Variants in PIK3CD observed in about 807,000 individuals in gnomAD.
PIK3CD encodes the protein phosphatidylinositol-4,5-bisphosphate 3-kinase catalytic subunit delta.
A neutral mutation model predicts 122.9 loss-of-function variants in PIK3CD; 20 were observed. The observed-to-expected ratio is 0.16, with a 90% CI of 0.11 to 0.24. The LOEUF is 0.24. Among genes scored for constraint, PIK3CD ranks in the 10% least tolerant of loss-of-function variants. The pLI, the probability that PIK3CD is intolerant of heterozygous loss-of-function variation, is 1.00. For synonymous variants in PIK3CD, 596 were observed against 593.4 expected, an observed-to-expected ratio of 1.00 and a Z score of -0.06; for missense variants, 787 against 1,406.3, an observed-to-expected ratio of 0.56 and a Z score of 7.04.
chr1:9,682,096 T>C (rs9430640), intron 1 of PIK3CD, among the ~76,000 whole-genome samples: 81,546 of 151,932 alleles, frequency 0.54, 22,433 homozygotes, highest in African/African-American at 0.68. Context: ...CTAATTTTTG[T>C]ATTTTTTGTA....
rs1028853666 is a variant in PIK3CD at position 9,689,525 on chromosome 1, G to T, written c.-137-1942G>T. On this transcript the variant is annotated intron_variant, in intron 1 of 23. Transcript: ENST00000377346. This position sits in a 1 kb window ranked among gnomAD's most constrained non-coding sequence, Gnocchi z 6.1. ...CCCGCCCCGCCTGCCAGTAGTCCCAGCCCCGCCCCGGGCCGCGCCCCTCCG... is the reference window on the plus strand; with the variant it reads ...CCCGCCCCGCCTGCCAGTAGTCCCATCCCCGCCCCGGGCCGCGCCCCTCCG... Among the ~76,000 whole-genome samples the T allele has an allele frequency of 1.5e-5, 2 of 137,904 alleles. No individual in the cohort carries two copies. The highest frequency in any genetic ancestry group is 3.2e-5 in the Non-Finnish European group (2 of 63,226). The allele number at this position is 137,904 out of a possible 152,430, so 90.5% of individuals were successfully genotyped here.
At chr1:9,714,354 C>T (rs1024332524) in intron 3 of PIK3CD, among the ~76,000 whole-genome samples, 2 of 152,106 alleles carry the variant, frequency 1.3e-5, no homozygotes, top group Non-Finnish European at 2.9e-5. Context: ...GATTCAGTCC[C>T]GCCACCATAG....
At chr1:9,667,976 C>T (rs1645215184) in intron 1 of PIK3CD, among the ~76,000 whole-genome samples, 1 of 141,364 alleles carries the variant, frequency 7.1e-6, no homozygotes, top group African/African-American at 2.6e-5. Flanking sequence ...TGGTCTGGAA[C>T]TCCTGGGCTC....
rs1007767726 is a variant in PIK3CD at position 9,723,889 on chromosome 1, G to A, written c.2595-80G>A. 32 of 1,304,420 alleles carry A rather than the reference G, an allele frequency of 2.5e-5. No homozygotes were observed. Among genetic ancestry groups the A allele is most frequent in the Non-Finnish European group, 3.3e-5 (30 of 907,756 alleles). The allele number at this position is 1,304,420 out of a possible 1,614,324, so 80.8% of individuals were successfully genotyped here. A position where few individuals can be genotyped will look rare whatever the true frequency, so the allele number is the denominator to read the frequency against. On this transcript the variant is annotated intron_variant, in intron 20 of 23. Transcript: ENST00000377346. This position sits in a 1 kb window ranked among gnomAD's most constrained non-coding sequence, Gnocchi z 4.9. ...GCAAGTCACAGGGCCAGATTCAAGG[G>A]GAGAGGGAGTAATAACCCACCTCTT...
chr1:9,715,302 G>C lies in PIK3CD; in HGVS notation c.142-239G>C, dbSNP rs1647249502. Among the ~76,000 whole-genome samples the C allele has an allele frequency of 6.6e-6, 1 of 152,224 alleles. No homozygotes were observed. Among genetic ancestry groups the C allele is most frequent in the South Asian group, 2.1e-4 (1 of 4,836 alleles). On this transcript the variant is annotated intron_variant, in intron 3 of 23. Coordinates refer to ENST00000377346, the MANE Select transcript of PIK3CD (RefSeq NM_005026.5). This position sits in a 1 kb window ranked among gnomAD's most constrained non-coding sequence, Gnocchi z 4.1. ...CTGGGAGGGGAGCCTGTAGGACGTG[G>C]TGCCAGCCCCAGATCCCAGCACCTC...
In PIK3CD at chr1:9,721,127, A is replaced by G. The variant is rs752658744; in HGVS notation, c.1690A>G (p.Met564Val). The change falls in exon 14 of 24, where the codon ATG becomes GTG. Residue 564 changes from methionine to valine, a missense_variant and splice_region_variant. Met to Val is a conservative substitution (Grantham distance 21). Coordinates refer to ENST00000377346, the MANE Select transcript of PIK3CD (RefSeq NM_005026.5). Reference sequence around the variant, plus strand: ...CAAGCCTGACCTCGGCTCCCCCCAGATGCTCTACCTGCTGTGCTCCTGGCC... The same window carrying G: ...CAAGCCTGACCTCGGCTCCCCCCAGGTGCTCTACCTGCTGTGCTCCTGGCC... Reference protein sequence around the residue: ...KWNKHEDVAQMLYLLCSWPEL... With the variant: ...KWNKHEDVAQVLYLLCSWPEL... 4 of 1,610,684 alleles carry G rather than the reference A, an allele frequency of 2.5e-6. No individual in the cohort carries two copies. In the Admixed American group the frequency reaches 5.0e-5, roughly 20 times the overall value.
the PIK3CD span, among the ~76,000 whole-genome samples, chr1:9,634,455 C>A: frequency 5.9e-5 from 9 of 151,714 alleles, no homozygotes; most frequent in African/African-American, 2.2e-4. Flanking sequence ...AGCTTCCATG[C>A]CTGGCCCTAA....
chr1:9,652,620 T>TA lies in PIK3CD; in HGVS notation c.-138+825dup, dbSNP rs1251506747. ...GTAATTCAGCCTGAATGAGGCTTTT[T>TA]AAAAAAATCGAGTTTCCTGTTTTTA... On this transcript the variant is annotated intron_variant, in intron 1 of 23. Transcript: ENST00000377346. This position sits in a 1 kb window ranked among gnomAD's most constrained non-coding sequence, Gnocchi z 6.2. 3.3e-5 allele frequency: 5 copies of TA among 152,266 alleles called. No homozygotes were observed. The highest frequency in any genetic ancestry group is 7.3e-5 in the Non-Finnish European group (5 of 68,044). The allele number at this position is 152,266 out of a possible 1,614,324, so 9.4% of individuals were successfully genotyped here. A position where few individuals can be genotyped will look rare whatever the true frequency, so the allele number is the denominator to read the frequency against.
chr1:9,707,848 C>T (rs186000743), intron 2 of PIK3CD, among the ~76,000 whole-genome samples: 1 of 149,498 alleles, frequency 6.7e-6, no homozygotes, highest in Non-Finnish European at 1.5e-5. Flanking sequence ...GGCTAGAGTA[C>T]AGTGGCGCGA....
chr1:9,642,910 G>A, the PIK3CD span, among the ~76,000 whole-genome samples: 4 of 150,906 alleles, frequency 2.7e-5, no homozygotes, highest in African/African-American at 9.8e-5. Context: ...GGGCAACATA[G>A]CGAGACCTCG....
chr1:9,663,949 T>C (rs888042170), intron 1 of PIK3CD, among the ~76,000 whole-genome samples: 2 of 152,150 alleles, frequency 1.3e-5, no homozygotes, highest in South Asian at 4.1e-4. Flanking sequence ...TTCCATGGTG[T>C]ATATGTGCCA....
intron 1 of PIK3CD, chr1:9,653,720 T>C (rs1369256634): frequency 9.4e-7 from 1 of 1,063,550 alleles, no homozygotes; most frequent in East Asian, 4.8e-5. Flanking sequence ...AGCTTTCTCT[T>C]TGGCTCTCTC....
upstream of PIK3CD, among the ~76,000 whole-genome samples, chr1:9,648,335 G>A (rs1464888186): frequency 5.3e-5 from 8 of 152,198 alleles, no homozygotes; most frequent in Admixed American, 5.2e-4. Context: ...ATAGTAAAAA[G>A]CATGATTTGA....
At chr1:9,637,140 G>C in the PIK3CD span, among the ~76,000 whole-genome samples, 1 of 152,026 alleles carries the variant, frequency 6.6e-6, no homozygotes, top group African/African-American at 2.4e-5. Context: ...CTCATGATCT[G>C]CCTGTCTTGG....
At chr1:9,646,042 G>A in the PIK3CD span, among the ~76,000 whole-genome samples, 4 of 152,102 alleles carry the variant, frequency 2.6e-5, no homozygotes, top group Non-Finnish European at 5.9e-5. Flanking sequence ...AAAGTGCTGG[G>A]ATTACAGGCG....
chr1:9,706,467 T>C (rs1336902895), intron 2 of PIK3CD, among the ~76,000 whole-genome samples: 2 of 152,136 alleles, frequency 1.3e-5, no homozygotes, highest in African/African-American at 4.8e-5. Context: ...TACTCCAGCC[T>C]GGGCAACAGA....
intron 1 of PIK3CD, among the ~76,000 whole-genome samples, chr1:9,655,732 T>G (rs1345786049): frequency 2.0e-5 from 3 of 149,728 alleles, no homozygotes; most frequent in Non-Finnish European, 3.0e-5. Context: ...GAGTCTCGCT[T>G]TGTCGCCCAG....
At chr1:9,684,845 C>CAAAAA (rs200995845) in intron 1 of PIK3CD, among the ~76,000 whole-genome samples, 1 of 108,820 alleles carries the variant, frequency 9.2e-6, no homozygotes, top group Non-Finnish European at 1.9e-5. Flanking sequence ...GACCCTGTCT[C>CAAAAA]AAAAAAAAAA....
chr1:9,644,558 T>TAA, the PIK3CD span, among the ~76,000 whole-genome samples: 10 of 140,452 alleles, frequency 7.1e-5, no homozygotes, highest in South Asian at 2.2e-4. Flanking sequence ...TAAATAAATA[T>TAA]GTAACCTTCA....
Sources: gnomAD v4.1 joint callset for allele counts (sites outside exome capture counted in the v4.1 genomes callset) on GRCh38, gnomAD v4.1.1 for gene constraint, Gnocchi (gnomAD v3.1) non-coding constraint, MANE v1.5 for transcripts, NCBI Gene and HGNC (gene_info 2026-07-23, HGNC 2026-07-21) for gene names.